The following ZNF532 variants were observed in gnomAD, a reference collection of about 807,000 sequenced individuals.
The protein encoded by ZNF532 is zinc finger protein 532.
A neutral mutation model predicts 89.3 loss-of-function variants in ZNF532; 22 were observed. That is an observed-to-expected ratio of 0.25 (90% CI 0.18 to 0.35). The LOEUF (loss-of-function observed/expected upper bound fraction) is 0.35, where lower values mean the gene tolerates loss of function less well. ZNF532 is among the 10% of genes least tolerant of loss of function. The pLI is 1.00. For missense variants in ZNF532, 1,132 were observed against 1,643.4 expected, an observed-to-expected ratio of 0.69 and a Z score of 5.38; for synonymous variants, 606 against 649.6, an observed-to-expected ratio of 0.93 and a Z score of 1.02.
chr18:58,918,973 A>C lies in ZNF532; in HGVS notation c.686A>C (p.Glu229Ala). 6.2e-7 allele frequency: 1 copy of C among 1,613,616 alleles called. No individual in the cohort carries two copies. Among genetic ancestry groups the C allele is most frequent in the Non-Finnish European group, 8.5e-7 (1 of 1,180,040 alleles). ...AGAAAAGCAGAGGATAAATTGAAGGAAAGCTCTGACAAGGTGCTGGAAAAC... is the reference window on the plus strand; with the variant it reads ...AGAAAAGCAGAGGATAAATTGAAGGCAAGCTCTGACAAGGTGCTGGAAAAC... Reference protein sequence around the residue: ...KVRKAEDKLKESSDKVLENRV... With the variant: ...KVRKAEDKLKASSDKVLENRV... Residue 229 changes from glutamate to alanine, a missense_variant, in exon 3 of 10, where the codon GAA becomes GCA. Physicochemically the swap from Glu to Ala is moderately radical, Grantham distance 107. Coordinates refer to ENST00000591808, the MANE Select transcript of ZNF532 (RefSeq NM_001375912.1).
chr18:58,971,523 G>C (rs7237193), intron 7 of ZNF532, among the ~76,000 whole-genome samples: 88,136 of 152,020 alleles, frequency 0.58, 26,357 homozygotes, highest in African/African-American at 0.73. Flanking sequence ...TGGTTTTAAG[G>C]TACAAGGGCA....
chr18:58,934,750 C>T (rs73959537), intron 4 of ZNF532, 136 bp downstream of exon 4: 3 of 835,972 alleles, frequency 3.6e-6, no homozygotes, highest in South Asian at 1.8e-5. Context: ...GAACCTAGCT[C>T]GTTTGTAGAG....
At chr18:58,869,004 G>A (rs2056735422) in intron 2 of ZNF532, among the ~76,000 whole-genome samples, 1 of 152,176 alleles carries the variant, frequency 6.6e-6, no homozygotes, top group Admixed American at 6.5e-5. Context: ...ACTGTAGGCA[G>A]TTTTAATACA....
intron 2 of ZNF532, among the ~76,000 whole-genome samples, chr18:58,880,752 GCGCGCGCGCA>G (rs1216319057): frequency 5.7e-4 from 83 of 144,892 alleles, no homozygotes; most frequent in Middle Eastern, 3.6e-3. Flanking sequence ...CCTCTCATAG[GCGCGCGCGCA>G]CGCGCGCGCG....
At chr18:58,922,186 T>C (rs2061154950) in intron 3 of ZNF532, among the ~76,000 whole-genome samples, 1 of 152,146 alleles carries the variant, frequency 6.6e-6, no homozygotes, top group South Asian at 2.1e-4. Context: ...CTCAAACATC[T>C]CTATAAAGAT....
intron 9 of ZNF532, among the ~76,000 whole-genome samples, chr18:58,983,348 C>G (rs1438500847): frequency 1.3e-5 from 2 of 152,022 alleles, no homozygotes; most frequent in Non-Finnish European, 2.9e-5. Context: ...AGTCTAAAAG[C>G]AAAATCCTGA....
chr18:58,907,427 C>G (rs2059999663), intron 2 of ZNF532, among the ~76,000 whole-genome samples: 1 of 152,012 alleles, frequency 6.6e-6, no homozygotes, highest in South Asian at 2.1e-4. Flanking sequence ...CTCGTGATCC[C>G]CCCTGCCCAC....
chr18:58,964,612 A>G (rs1167231932), intron 7 of ZNF532, among the ~76,000 whole-genome samples: 3 of 145,690 alleles, frequency 2.1e-5, no homozygotes, highest in African/African-American at 7.6e-5. Flanking sequence ...TTTTAGACAG[A>G]GTCTCGCTCT....
At chr18:58,939,420 G>T in intron 4 of ZNF532, 25 bp from the exon 5 acceptor site, 1 of 1,600,606 alleles carries the variant, frequency 6.2e-7, no homozygotes, top group South Asian at 1.1e-5. Context: ...TTGTGCTAAT[G>T]ACCGTGTGTT....
intron 7 of ZNF532, among the ~76,000 whole-genome samples, chr18:58,973,998 T>C (rs2066759041): frequency 6.6e-6 from 1 of 152,066 alleles, no homozygotes; most frequent in Non-Finnish European, 1.5e-5. Flanking sequence ...GTGGGGTTGA[T>C]TATAAAGGGC....
At chr18:58,981,364 CCTGT>C in intron 8 of ZNF532, 102 bp from the exon 9 acceptor site, 1 of 1,433,070 alleles carries the variant, frequency 7.0e-7, no homozygotes, top group Non-Finnish European at 9.5e-7. Flanking sequence ...GCTTATTGGA[CCTGT>C]CTGTGTGAAC....
chr18:58,945,920 G>A (rs1217878802), intron 5 of ZNF532, among the ~76,000 whole-genome samples: 1 of 151,894 alleles, frequency 6.6e-6, no homozygotes, highest in East Asian at 1.9e-4. Flanking sequence ...TAGTAGAGAC[G>A]GGGTTTGACC....
intron 2 of ZNF532, among the ~76,000 whole-genome samples, chr18:58,892,091 G>T (rs756520668): frequency 1.3e-5 from 2 of 152,052 alleles, no homozygotes; most frequent in Non-Finnish European, 2.9e-5. Flanking sequence ...TGATTTAAGC[G>T]CATGAGTAAA....
chr18:58,944,450 A>G (rs147253234), intron 5 of ZNF532, among the ~76,000 whole-genome samples: 68 of 152,100 alleles, frequency 4.5e-4, no homozygotes, highest in Non-Finnish European at 7.6e-4. Flanking sequence ...GATTAGGTCC[A>G]GACTTCCAGG....
At chr18:58,876,003 A>G (rs12964401) in intron 2 of ZNF532, among the ~76,000 whole-genome samples, 62,964 of 144,406 alleles carry the variant, frequency 0.44, 14,031 homozygotes, top group East Asian at 0.61. Context: ...CGCGATCTCG[A>G]CTCACTGCAA....
intron 2 of ZNF532, among the ~76,000 whole-genome samples, chr18:58,881,155 G>C (rs1410080655): frequency 6.6e-6 from 1 of 150,568 alleles, no homozygotes; most frequent in Admixed American, 6.6e-5. Flanking sequence ...GGGCTGGAGT[G>C]CAGTGGCGTG....
intron 2 of ZNF532, among the ~76,000 whole-genome samples, chr18:58,902,306 C>T (rs992363765): frequency 2.0e-5 from 3 of 152,098 alleles, no homozygotes; most frequent in Admixed American, 2.0e-4. Flanking sequence ...AAGTCAAAAG[C>T]AAGAGTCACA....
chr18:58,875,070 TGA>T (rs530720732), intron 2 of ZNF532, among the ~76,000 whole-genome samples: 15 of 152,248 alleles, frequency 9.9e-5, no homozygotes, highest in African/African-American at 3.6e-4. Context: ...GAAGATGTAA[TGA>T]AAAAAAACAG....
chr18:58,956,576 T>G (rs540388276), intron 7 of ZNF532, among the ~76,000 whole-genome samples: 79 of 152,254 alleles, frequency 5.2e-4, no homozygotes, highest in Non-Finnish European at 9.1e-4. Context: ...CACCCAAACT[T>G]CAAAGCCCCT....
Sources: gnomAD v4.1 joint callset for allele counts (sites outside exome capture counted in the v4.1 genomes callset) on GRCh38, gnomAD v4.1.1 for gene constraint, MANE v1.5 for transcripts, NCBI Gene and HGNC (gene_info 2026-07-23, HGNC 2026-07-21) for gene names.